LRMDA: variants seen among roughly 807,000 people sequenced by gnomAD.
LRMDA encodes the protein leucine-rich melanocyte differentiation-associated protein.
A neutral mutation model predicts 29.8 loss-of-function variants in LRMDA; 18 were observed. The observed-to-expected ratio is 0.60, with a 90% CI of 0.42 to 0.90. The LOEUF is 0.90. Among genes scored for constraint, LRMDA ranks in the 40% least tolerant of loss-of-function variants. The pLI, the probability that LRMDA is intolerant of heterozygous loss-of-function variation, is 0.00. For synonymous variants in LRMDA, 125 were observed against 109.4 expected (o/e 1.14, Z -0.89); for missense variants, 273 against 273.9 (o/e 1.00, Z 0.02).
chr10:75,851,075 G>A (rs1844725060), intron 2 of LRMDA, among the ~76,000 whole-genome samples: 1 of 151,940 alleles, frequency 6.6e-6, no homozygotes, highest in Non-Finnish European at 1.5e-5. Flanking sequence ...AATATGATTG[G>A]GTATTATTAC....
chr10:75,919,076 C>T (rs187430357), intron 2 of LRMDA, among the ~76,000 whole-genome samples: 2 of 152,230 alleles, frequency 1.3e-5, no homozygotes, highest in East Asian at 1.9e-4. Flanking sequence ...AAGTAGGTGC[C>T]GTTATTAATG....
intron 2 of LRMDA, among the ~76,000 whole-genome samples, chr10:75,546,765 A>T (rs557760283): frequency 6.6e-6 from 1 of 152,346 alleles, no homozygotes; most frequent in East Asian, 1.9e-4. Context: ...AATAATAATC[A>T]TTACTGATAG....
intron 2 of LRMDA, among the ~76,000 whole-genome samples, chr10:75,699,978 T>C (rs113343162): frequency 1.5e-4 from 23 of 152,226 alleles, no homozygotes; most frequent in Non-Finnish European, 2.6e-4. Context: ...AACCACTAGA[T>C]GCTGGAAGAA....
chr10:76,071,269 A>G (rs1848871947), intron 5 of LRMDA, among the ~76,000 whole-genome samples: 1 of 152,204 alleles, frequency 6.6e-6, no homozygotes, highest in Non-Finnish European at 1.5e-5. Context: ...CATCATCAGA[A>G]GGGTTTTGAA....
intron 5 of LRMDA, among the ~76,000 whole-genome samples, chr10:76,293,765 C>G (rs1346861690): frequency 6.6e-6 from 1 of 152,188 alleles, no homozygotes; most frequent in Non-Finnish European, 1.5e-5. Context: ...AGGATTCCAG[C>G]TGGGCTATGA....
At chr10:76,143,813 T>G (rs1172767201) in intron 5 of LRMDA, among the ~76,000 whole-genome samples, 3 of 152,238 alleles carry the variant, frequency 2.0e-5, no homozygotes, top group Admixed American at 6.5e-5. Context: ...TTCTAGAGTT[T>G]TTATGGTTTT....
intron 2 of LRMDA, among the ~76,000 whole-genome samples, chr10:75,724,348 A>G (rs1842605536): frequency 6.6e-6 from 1 of 152,252 alleles, no homozygotes; most frequent in African/African-American, 2.4e-5. Context: ...CCACCCATTA[A>G]CAAATTTGTA....
intron 2 of LRMDA, among the ~76,000 whole-genome samples, chr10:75,622,305 C>T (rs1374467333): frequency 1.2e-5 from 1 of 84,258 alleles, no homozygotes; most frequent in East Asian, 4.4e-4. Context: ...GAATTAAGAA[C>T]AGTGAAAAAA....
At chr10:76,032,867 G>T (rs1442743971) in intron 2 of LRMDA, among the ~76,000 whole-genome samples, 2 of 152,124 alleles carry the variant, frequency 1.3e-5, no homozygotes, top group Non-Finnish European at 2.9e-5. Flanking sequence ...ATGCTGGACT[G>T]ACAGTTGGCG....
chr10:76,034,613 G>A (rs1848209804), intron 2 of LRMDA, among the ~76,000 whole-genome samples: 1 of 152,138 alleles, frequency 6.6e-6, no homozygotes, highest in African/African-American at 2.4e-5. Flanking sequence ...TCCCTATTTT[G>A]GAGTCCTCTT....
chr10:75,898,131 T>C (rs1465556300), intron 2 of LRMDA, among the ~76,000 whole-genome samples: 2 of 152,178 alleles, frequency 1.3e-5, no homozygotes, highest in South Asian at 2.1e-4. Context: ...GCCTTCCTAC[T>C]ACTTTTTAAA....
chr10:75,544,446 C>T (rs1363779833), intron 2 of LRMDA, among the ~76,000 whole-genome samples: 1 of 152,166 alleles, frequency 6.6e-6, no homozygotes, highest in Non-Finnish European at 1.5e-5. Context: ...ACCATTATAG[C>T]ATTGGATCTA....
chr10:75,561,588 G>A (rs1386165014), intron 2 of LRMDA, among the ~76,000 whole-genome samples: 2 of 150,852 alleles, frequency 1.3e-5, no homozygotes, highest in African/African-American at 2.4e-5. Flanking sequence ...GAATGTGTTT[G>A]CTCTTGCTTT....
intron 2 of LRMDA, among the ~76,000 whole-genome samples, chr10:75,998,604 C>T (rs1282073916): frequency 2.6e-5 from 4 of 152,198 alleles, no homozygotes; most frequent in East Asian, 1.9e-4. Flanking sequence ...CACACGTCTT[C>T]GTGGGGTTAG....
At chr10:76,179,469 C>T (rs913262739) in intron 5 of LRMDA, among the ~76,000 whole-genome samples, 8 of 151,748 alleles carry the variant, frequency 5.3e-5, no homozygotes, top group East Asian at 3.9e-4. Flanking sequence ...GCTCTGCAGA[C>T]GATAGTTTAA....
At chr10:75,968,667 T>A (rs906705684) in intron 2 of LRMDA, among the ~76,000 whole-genome samples, 2 of 152,164 alleles carry the variant, frequency 1.3e-5, no homozygotes, top group Admixed American at 1.3e-4. Flanking sequence ...AGGGCTAAAA[T>A]CTGGGGAAAT....
intron 2 of LRMDA, among the ~76,000 whole-genome samples, chr10:75,938,078 T>C (rs1846326826): frequency 6.6e-6 from 1 of 152,206 alleles, no homozygotes; most frequent in Admixed American, 6.5e-5. Flanking sequence ...CTGCTACAGC[T>C]AACTTGAAGG....
At chr10:75,981,881 T>C (rs1035141604) in intron 2 of LRMDA, among the ~76,000 whole-genome samples, 2 of 148,272 alleles carry the variant, frequency 1.3e-5, no homozygotes, top group African/African-American at 5.0e-5. Context: ...GAGTGAGTGA[T>C]AGGATGGAAC....
At chr10:75,433,190 C>T (rs1844223570) in intron 1 of LRMDA, among the ~76,000 whole-genome samples, 1 of 152,078 alleles carries the variant, frequency 6.6e-6, no homozygotes, top group Non-Finnish European at 1.5e-5. Context: ...GGTTCCCTGC[C>T]CCCCAGACCC....
Sources: allele counts gnomAD v4.1 joint callset (sites outside exome capture counted in the v4.1 genomes callset), GRCh38; gene constraint gnomAD v4.1.1; transcripts MANE v1.5; gene names NCBI Gene and HGNC (gene_info 2026-07-23, HGNC 2026-07-21).